The following BUB1B variants were observed in gnomAD, a reference collection of about 807,000 sequenced individuals.
BUB1B encodes mitotic checkpoint serine/threonine-protein kinase BUB1 beta.
Under a neutral mutation model 137.7 loss-of-function variants are expected in BUB1B, and 86 were observed. The observed-to-expected ratio is 0.62, with a 90% CI of 0.52 to 0.75. BUB1B has a LOEUF of 0.75. Among genes scored for constraint, BUB1B ranks in the 30% least tolerant of loss-of-function variants. The pLI, the probability that BUB1B is intolerant of heterozygous loss-of-function variation, is 0.00. For synonymous variants in BUB1B, 420 were observed against 417.9 expected (o/e 1.00, Z -0.06); for missense variants, 1,130 against 1,236.9 (o/e 0.91, Z 1.30).
At chr15:40,212,229 A>G (rs1383458748) in intron 18 of BUB1B, among the ~76,000 whole-genome samples, 2 of 152,236 alleles carry the variant, frequency 1.3e-5, no homozygotes, top group African/African-American at 2.4e-5. Context: ...TATATAGTAT[A>G]GGAAAATAGC....
At chr15:40,196,801 G>C in intron 9 of BUB1B, 27 bp downstream of exon 9, 1 of 1,602,720 alleles carries the variant, frequency 6.2e-7, no homozygotes, top group Non-Finnish European at 8.5e-7. Context: ...TTTGTGAAGA[G>C]GACTTAACTT....
intron 1 of BUB1B, among the ~76,000 whole-genome samples, chr15:40,161,786 T>A (rs1177414999): frequency 6.6e-6 from 1 of 152,232 alleles, no homozygotes; most frequent in Non-Finnish European, 1.5e-5. Flanking sequence ...TCTGCATGTT[T>A]GCGGCTTTTC....
At chr15:40,200,893 G>T (rs766855110) in intron 11 of BUB1B, 38 bp from the exon 12 acceptor site, 4 of 1,582,372 alleles carry the variant, frequency 2.5e-6, no homozygotes, top group Non-Finnish European at 3.5e-6. Context: ...TCTTTCTGTG[G>T]GTATTGAGCA....
At chr15:40,210,235 A>C in intron 18 of BUB1B, 25 bp downstream of exon 18, 1 of 1,511,458 alleles carries the variant, frequency 6.6e-7, no homozygotes, top group African/African-American at 1.4e-5. Context: ...TTATAATTTC[A>C]GTTACTTTGT....
At chr15:40,206,097 G>A in intron 14 of BUB1B, 87 bp from the exon 15 acceptor site, 2 of 1,358,440 alleles carry the variant, frequency 1.5e-6, no homozygotes, top group Admixed American at 1.7e-5. Context: ...TGTACCCTGT[G>A]TCACTGAGCT....
Position 40,202,473 on chromosome 15 carries a change from G to A in BUB1B, c.1628+8G>A, listed in dbSNP as rs1441504215. 6 of 1,606,100 alleles carry A rather than the reference G, an allele frequency of 3.7e-6. No individual in the cohort carries two copies. Among genetic ancestry groups the A allele is most frequent in the Non-Finnish European group, 5.1e-6 (6 of 1,174,564 alleles). ...AGAAAAGAAGAATAAAAGGTACGTT[G>A]TTTTTTTGTTTTTTTGGTTTTTTTT... On this transcript the variant is annotated splice_region_variant and intron_variant, in intron 13 of 22. Transcript: ENST00000287598.
chr15:40,200,922 T>C lies in BUB1B; in HGVS notation c.1518-9T>C. On this transcript the variant is annotated splice_polypyrimidine_tract_variant and intron_variant, in intron 11 of 22. Transcript: ENST00000287598. Reference sequence around the variant, plus strand: ...TTGAGCACATGATTTAAAACAAGTTTCTTTACAGAGAAACTTCACTTGCGG... The same window carrying C: ...TTGAGCACATGATTTAAAACAAGTTCCTTTACAGAGAAACTTCACTTGCGG... The C allele has an allele frequency of 6.2e-7, 1 of 1,613,178 alleles. No individual in the cohort carries two copies. The highest frequency in any genetic ancestry group is 8.5e-7 in the Non-Finnish European group (1 of 1,179,366).
rs2037228249 is a variant in BUB1B at position 40,176,674 on chromosome 15, G to T, written c.581+1G>T. The T allele has an allele frequency of 6.2e-7, 1 of 1,613,754 alleles. No homozygotes were observed. The highest frequency in any genetic ancestry group is 1.3e-5 in the African/African-American group (1 of 74,898). On this transcript the variant is annotated splice_donor_variant, in intron 5 of 22. Transcript: ENST00000287598. LOFTEE classifies it high-confidence loss of function. ...TAGAAAGACTACAGTCCCAGCACCG[G>T]TAAACTTTCTTTGGAGCTTGTCTTA...
chr15:40,184,158 AGCAGGTGTT>A (rs2140890121), intron 6 of BUB1B, among the ~76,000 whole-genome samples: 1 of 152,340 alleles, frequency 6.6e-6, no homozygotes, highest in East Asian at 1.9e-4. Flanking sequence ...GTAGTAACAT[AGCAGGTGTT>A]GTTAAAGTGA....
intron 5 of BUB1B, among the ~76,000 whole-genome samples, chr15:40,180,523 C>T (rs747429130): frequency 2.6e-5 from 4 of 151,922 alleles, no homozygotes; most frequent in Non-Finnish European, 5.9e-5. Flanking sequence ...ACCTTGGCCT[C>T]CCAAAGTGCT....
At chr15:40,202,180 G>C (rs528321404) in intron 12 of BUB1B, among the ~76,000 whole-genome samples, 1 of 152,200 alleles carries the variant, frequency 6.6e-6, no homozygotes, top group East Asian at 1.9e-4. Flanking sequence ...GTTGGGTTTG[G>C]GGAGTAGTGA....
At chr15:40,172,527 A>G (rs1446236313) in intron 4 of BUB1B, among the ~76,000 whole-genome samples, 1 of 152,236 alleles carries the variant, frequency 6.6e-6, no homozygotes. Flanking sequence ...ATTATAAGGA[A>G]GAGAATGTAT....
chr15:40,180,283 T>C (rs1489220191), intron 5 of BUB1B, among the ~76,000 whole-genome samples: 1 of 142,342 alleles, frequency 7.0e-6, no homozygotes, highest in African/African-American at 2.8e-5. Context: ...AGATGGAGTC[T>C]TGCTCTGTCA....
In BUB1B at chr15:40,183,791, C is replaced by T. The variant is rs762990874; in HGVS notation, c.659C>T (p.Ser220Phe). ...KEEEEEVFES[S>F]VPQRSTLAEL... ...GAAGAGGAGGAAGTTTTTGAGTCTT[C>T]TGTACCACAACGAAGCACACTAGCT... Residue 220 changes from serine to phenylalanine, a missense_variant, in exon 6 of 23, where the codon TCT (serine) becomes TTT (phenylalanine). Coordinates refer to ENST00000287598, the MANE Select transcript of BUB1B (RefSeq NM_001211.6). 1.9e-6 allele frequency: 3 copies of T among 1,614,090 alleles called. No homozygotes were observed. The highest frequency in any genetic ancestry group is 2.5e-6 in the Non-Finnish European group (3 of 1,179,984).
At position 40,212,628 on chromosome 15, in the gene BUB1B, A is replaced by G. The variant is rs1468223993; in HGVS notation, c.2515A>G (p.Ile839Val). 3 of 1,613,482 alleles carry G rather than the reference A, an allele frequency of 1.9e-6. No homozygotes were observed. Among genetic ancestry groups the G allele is most frequent in the Non-Finnish European group, 2.5e-6 (3 of 1,179,830 alleles). ...QDGCIVWHQY[I>V]NCFTLQDLLQ... ...TGGCTGTATTGTTTGGCACCAATAT[A>G]TAAACTGCTTCACCCTTCAGGTCTG... Residue 839 changes from isoleucine (I) to valine (V), a missense_variant, in exon 19 of 23, where the codon ATA becomes GTA. Coordinates refer to ENST00000287598, the MANE Select transcript of BUB1B (RefSeq NM_001211.6).
chr15:40,164,457 G>A (rs1234077906), intron 1 of BUB1B, among the ~76,000 whole-genome samples: 3 of 151,856 alleles, frequency 2.0e-5, no homozygotes, highest in African/African-American at 7.3e-5. Context: ...TGAACTCCTG[G>A]GCTCAAGCAC....
At chr15:40,173,296 A>T (rs995550511) in intron 4 of BUB1B, among the ~76,000 whole-genome samples, 20 of 52,624 alleles carry the variant, frequency 3.8e-4, no homozygotes, top group African/African-American at 1.4e-3. Context: ...AAAAAAAGAT[A>T]AAAAAAAAAA....
In BUB1B at chr15:40,188,629, C is replaced by G. The variant is rs559235829; in HGVS notation, c.1058+2987C>G. Among the ~76,000 whole-genome samples, 3 of 144,674 alleles carry G rather than the reference C, an allele frequency of 2.1e-5. No homozygotes were observed. In the Admixed American group the frequency reaches 2.1e-4, roughly 10 times the overall value. 94.9% of individuals were successfully genotyped at this position (144,674 alleles called of 152,430 possible). A position where few individuals can be genotyped will look rare whatever the true frequency, so the allele number is the denominator to read the frequency against. On this transcript the variant is annotated intron_variant, in intron 8 of 22. Transcript: ENST00000287598. Reference sequence around the variant, plus strand: ...ACAGAGTCTTGCTCTGTTACCCAGGCTGGAGTGCAGTGGCGCCGTCTCAGC... The same window carrying G: ...ACAGAGTCTTGCTCTGTTACCCAGGGTGGAGTGCAGTGGCGCCGTCTCAGC...
chr15:40,207,397 A>T (rs921938519), intron 15 of BUB1B, among the ~76,000 whole-genome samples: 2 of 152,100 alleles, frequency 1.3e-5, no homozygotes, highest in African/African-American at 4.8e-5. Context: ...TCAGGCCAGG[A>T]GTTGAAGACC....
Sources: gnomAD v4.1 joint callset for allele counts (sites outside exome capture counted in the v4.1 genomes callset) on GRCh38, gnomAD v4.1.1 for gene constraint, MANE v1.5 for transcripts, NCBI Gene and HGNC (gene_info 2026-07-23, HGNC 2026-07-21) for gene names.